The following NWD1 variants were observed in gnomAD, a reference collection of about 807,000 sequenced individuals.
NWD1 encodes NACHT and WD repeat domain containing 1, also known as NACHT domain- and WD repeat-containing protein 1.
In NWD1, 129 loss-of-function variants were observed where a neutral mutation model predicts 135.1. That is an observed-to-expected ratio of 0.96 (90% confidence interval 0.83 to 1.11). The LOEUF (loss-of-function observed/expected upper bound fraction) is 1.11, where lower values mean the gene tolerates loss of function less well. Among genes scored for constraint, NWD1 ranks in the 50% least tolerant of loss-of-function variants. The pLI is 0.00. For missense variants in NWD1, 1,740 were observed against 1,851.3 expected, an observed-to-expected ratio of 0.94 and a Z score of 1.10; for synonymous variants, 773 against 786.0, an observed-to-expected ratio of 0.98 and a Z score of 0.28.
At chr19:16,730,336 A>G (rs1199871546) in intron 2 of NWD1, among the ~76,000 whole-genome samples, 1 of 151,674 alleles carries the variant, frequency 6.6e-6, no homozygotes. Flanking sequence ...ACAAACTAAC[A>G]AAAAAACAAA....
intron 4 of NWD1, among the ~76,000 whole-genome samples, chr19:16,741,651 G>A (rs1329825312): frequency 6.6e-6 from 1 of 152,008 alleles, no homozygotes; most frequent in Non-Finnish European, 1.5e-5. Context: ...TTACAGGCAT[G>A]AGCTACCATG....
intron 14 of NWD1, among the ~76,000 whole-genome samples, chr19:16,794,054 C>G (rs1334944121): frequency 6.6e-6 from 1 of 152,048 alleles, no homozygotes; most frequent in Non-Finnish European, 1.5e-5. Flanking sequence ...CCACCATGCC[C>G]AGCTAAAATT....
intron 18 of NWD1, among the ~76,000 whole-genome samples, chr19:16,814,114 A>C (rs1216815341): frequency 6.6e-6 from 1 of 152,110 alleles, no homozygotes; most frequent in Non-Finnish European, 1.5e-5. Context: ...GAGCCATGAT[A>C]GCACCATTGC....
intron 8 of NWD1, among the ~76,000 whole-genome samples, chr19:16,763,620 C>T (rs1182997761): frequency 6.6e-6 from 1 of 152,154 alleles, no homozygotes; most frequent in Non-Finnish European, 1.5e-5. Context: ...CCCAGAAAGT[C>T]CCATGACCTC....
chr19:16,814,892 G>T, intron 18 of NWD1, 136 bp from the exon 19 acceptor site: 1 of 691,060 alleles, frequency 1.4e-6, no homozygotes, highest in South Asian at 1.8e-5. Context: ...GGGACTCTTT[G>T]GCATAATAAA....
At chr19:16,769,913 C>T (rs1568366799) in intron 10 of NWD1, among the ~76,000 whole-genome samples, 1 of 152,188 alleles carries the variant, frequency 6.6e-6, no homozygotes, top group African/African-American at 2.4e-5. Flanking sequence ...TCATAGCGCA[C>T]AGCACCTTCA....
At chr19:16,747,924 T>A (rs1298090024) in intron 5 of NWD1, among the ~76,000 whole-genome samples, 1 of 152,174 alleles carries the variant, frequency 6.6e-6, no homozygotes, top group African/African-American at 2.4e-5. Flanking sequence ...CCGAATAGTA[T>A]CCCATTGTGT....
At chr19:16,800,754 T>A (rs1970580403) in intron 17 of NWD1, among the ~76,000 whole-genome samples, 1 of 152,070 alleles carries the variant, frequency 6.6e-6, no homozygotes, top group Non-Finnish European at 1.5e-5. Context: ...ACTAATCCTA[T>A]TCAGGAACGC....
At position 16,763,841 on chromosome 19, in the gene NWD1, C is replaced by T. The variant is rs1483875042; in HGVS notation, c.2147C>T (p.Pro716Leu). Residue 716 changes from proline to leucine, a missense_variant, in exon 9 of 19, where the codon CCT (proline) becomes CTT (leucine). Transcript: ENST00000524140. ...LNLDRKVAPQ[P>L]LWFSHTVANL... ...CTCCTCTGCCAGGTGGCCCCGCAGC[C>T]TCTGTGGTTCTCACATACGGTTGCA... is the stretch of plus-strand genomic sequence containing the variant. 1.2e-6 allele frequency: 2 copies of T among 1,613,352 alleles called. No individual in the cohort carries two copies. Among genetic ancestry groups the T allele is most frequent in the Non-Finnish European group, 1.7e-6 (2 of 1,179,338 alleles).
chr19:16,749,277 C>CCG lies in NWD1; in HGVS notation c.635_636insCG (p.Asp213GlyfsTer40). The stretch of plus-strand genomic sequence containing the variant: ...GCCCTTAGGATGGTGGACCGGCTCG[C>CCG]GGATGGCTGCCTGGACGCTGATGCC... On this transcript the variant is annotated frameshift_variant, in exon 6 of 19. Transcript: ENST00000524140. LOFTEE classifies it high-confidence loss of function. 1 of 1,614,030 alleles carries CCG rather than the reference C, an allele frequency of 6.2e-7. No individual in the cohort carries two copies. The highest frequency in any genetic ancestry group is 2.2e-5 in the East Asian group (1 of 44,876).
chr19:16,737,568 T>TG (rs1400445937), intron 4 of NWD1, among the ~76,000 whole-genome samples: 1 of 148,410 alleles, frequency 6.7e-6, no homozygotes, highest in East Asian at 2.0e-4. Flanking sequence ...AGTTTTAAGT[T>TG]TTTTTTTTTT....
chr19:16,740,049 C>T (rs988347943), intron 4 of NWD1, among the ~76,000 whole-genome samples: 18 of 151,820 alleles, frequency 1.2e-4, no homozygotes, highest in Middle Eastern at 3.4e-3. Context: ...GTAATCCCAG[C>T]GCTTTGAGAG....
At chr19:16,778,135 G>T (rs1012710876) in intron 11 of NWD1, among the ~76,000 whole-genome samples, 1 of 152,110 alleles carries the variant, frequency 6.6e-6, no homozygotes, top group African/African-American at 2.4e-5. Context: ...GAGCTTGACG[G>T]GCTCTGATTC....
At chr19:16,814,760 A>T (rs1288036172) in intron 18 of NWD1, among the ~76,000 whole-genome samples, 1 of 152,134 alleles carries the variant, frequency 6.6e-6, no homozygotes, top group Non-Finnish European at 1.5e-5. Context: ...ATATTTACTG[A>T]GCTCACTCTG....
intron 13 of NWD1, among the ~76,000 whole-genome samples, chr19:16,789,716 CTTTTTTT>C (rs11383216): frequency 8.4e-6 from 1 of 119,576 alleles, no homozygotes; most frequent in South Asian, 2.7e-4. Flanking sequence ...TCCTCTCTCT[CTTTTTTT>C]TTTTTTTTTT....
Position 16,815,247 on chromosome 19 carries a change from C to A in NWD1, c.*208C>A. 1.3e-6 allele frequency: 1 copy of A among 783,044 alleles called. No homozygotes were observed. Among genetic ancestry groups the A allele is most frequent in the Non-Finnish European group, 2.4e-6 (1 of 419,982 alleles). 48.5% of individuals were successfully genotyped at this position (783,044 alleles called of 1,614,324 possible). On this transcript the variant is annotated 3_prime_UTR_variant, in exon 19 of 19. Transcript: ENST00000524140. ...GAGGAGCTAGTTGCAGCTGCAGGAG[C>A]TCCCCAGGACTTGGAGTCAGAAAGT...
chr19:16,746,822 C>A (rs1228882303), intron 5 of NWD1, among the ~76,000 whole-genome samples: 1 of 151,968 alleles, frequency 6.6e-6, no homozygotes, highest in Non-Finnish European at 1.5e-5. Context: ...AATATGTTTG[C>A]TGTTGATTAA....
At chr19:16,808,848 C>T (rs1742714008) in intron 18 of NWD1, among the ~76,000 whole-genome samples, 1 of 151,964 alleles carries the variant, frequency 6.6e-6, no homozygotes, top group South Asian at 2.1e-4. Context: ...CTTTGGGAGG[C>T]CCAGGAAGGA....
intron 11 of NWD1, among the ~76,000 whole-genome samples, chr19:16,778,494 C>CTTTTTTTTTTT (rs11307621): frequency 1.0e-4 from 11 of 107,554 alleles, no homozygotes; most frequent in African/African-American, 4.3e-4. Context: ...TCTTCTTCTT[C>CTTTTTTTTTTT]TTTTTTTTTT....
Sources: allele counts gnomAD v4.1 joint callset (sites outside exome capture counted in the v4.1 genomes callset), GRCh38; gene constraint gnomAD v4.1.1; transcripts MANE v1.5; gene names NCBI Gene and HGNC (gene_info 2026-07-23, HGNC 2026-07-21).